Variants in CABCOCO1 observed in about 807,000 individuals in gnomAD.
The protein encoded by CABCOCO1 is ciliary-associated calcium-binding coiled-coil protein 1.
CABCOCO1 carries 28 observed loss-of-function variants against 35.7 expected under a neutral mutation model. The observed-to-expected ratio is 0.78, with a 90% CI of 0.58 to 1.07. The LOEUF (loss-of-function observed/expected upper bound fraction) is 1.07, where lower values mean the gene tolerates loss of function less well. Ranked by LOEUF, CABCOCO1 falls within the 50% of genes least tolerant of loss-of-function variation. CABCOCO1 has a pLI of 0.00. For synonymous variants in CABCOCO1, 95 were observed against 100.1 expected, an observed-to-expected ratio of 0.95 and a Z score of 0.30; for missense variants, 326 against 309.2, an observed-to-expected ratio of 1.05 and a Z score of -0.41.
chr10:61,672,219 C>T (rs147695839), intron 1 of CABCOCO1, among the ~76,000 whole-genome samples: 3 of 152,210 alleles, frequency 2.0e-5, no homozygotes, highest in South Asian at 2.1e-4. Flanking sequence ...GACTGAATGC[C>T]GCATGTATTA....
At chr10:61,684,392 C>T (rs183505071) in intron 3 of CABCOCO1, among the ~76,000 whole-genome samples, 1 of 152,176 alleles carries the variant, frequency 6.6e-6, no homozygotes, top group East Asian at 1.9e-4. Context: ...TTACTTTCAC[C>T]TTATTAGTAA....
At chr10:61,686,431 C>T (rs1037849477) in intron 4 of CABCOCO1, among the ~76,000 whole-genome samples, 7 of 151,870 alleles carry the variant, frequency 4.6e-5, no homozygotes, top group African/African-American at 1.7e-4. Flanking sequence ...AAAAGGTTTG[C>T]GTTTGATAAA....
intron 5 of CABCOCO1, among the ~76,000 whole-genome samples, chr10:61,697,253 A>C (rs538442347): frequency 6.6e-6 from 1 of 152,250 alleles, no homozygotes; most frequent in East Asian, 1.9e-4. Context: ...AAGGTAAATC[A>C]GAAGGGAAAT....
intron 5 of CABCOCO1, among the ~76,000 whole-genome samples, chr10:61,751,049 A>G (rs544061945): frequency 2.6e-5 from 4 of 152,216 alleles, no homozygotes; most frequent in African/African-American, 7.2e-5. Context: ...GAGAAACTTC[A>G]CAGAGTTGAT....
At chr10:61,712,488 T>G (rs966474524) in intron 5 of CABCOCO1, among the ~76,000 whole-genome samples, 5 of 152,242 alleles carry the variant, frequency 3.3e-5, no homozygotes, top group African/African-American at 1.2e-4. Context: ...TCTTTTGCCA[T>G]GCAGAAGCAC....
At chr10:61,718,201 A>AT in intron 5 of CABCOCO1, among the ~76,000 whole-genome samples, 1 of 152,222 alleles carries the variant, frequency 6.6e-6, no homozygotes. Context: ...AATCAGTATG[A>AT]TTTTCCATAA....
chr10:61,718,563 G>A (rs1260136595), intron 5 of CABCOCO1, among the ~76,000 whole-genome samples: 1 of 152,118 alleles, frequency 6.6e-6, no homozygotes, highest in Non-Finnish European at 1.5e-5. Flanking sequence ...GTGTTTATAT[G>A]CAGGTGTATT....
intron 5 of CABCOCO1, among the ~76,000 whole-genome samples, chr10:61,729,374 A>T (rs1000115368): frequency 6.6e-6 from 1 of 152,162 alleles, no homozygotes; most frequent in Non-Finnish European, 1.5e-5. Flanking sequence ...AAAAATGTTC[A>T]ATGTCACCAA....
intron 6 of CABCOCO1, 75 bp downstream of exon 6, chr10:61,760,256 A>G: frequency 1.3e-6 from 2 of 1,498,268 alleles, no homozygotes; most frequent in Admixed American, 4.1e-5. Context: ...AACGAACTAA[A>G]TGTTTTCTTC....
At chr10:61,696,966 A>G (rs892457231) in intron 5 of CABCOCO1, among the ~76,000 whole-genome samples, 21 of 152,168 alleles carry the variant, frequency 1.4e-4, no homozygotes, top group Admixed American at 1.2e-3. Flanking sequence ...TGCAAAAAAT[A>G]TGTATTTCTT....
chr10:61,749,494 T>C (rs1402538801), intron 5 of CABCOCO1, among the ~76,000 whole-genome samples: 8 of 152,262 alleles, frequency 5.3e-5, no homozygotes, highest in Non-Finnish European at 1.2e-4. Flanking sequence ...CCTTTCATTC[T>C]TGACTTTCAT....
At chr10:61,750,978 A>G (rs1173706418) in intron 5 of CABCOCO1, among the ~76,000 whole-genome samples, 2 of 152,178 alleles carry the variant, frequency 1.3e-5, no homozygotes, top group Non-Finnish European at 2.9e-5. Context: ...ACTCAAGGCC[A>G]ATGTGACAAA....
At chr10:61,748,802 C>T (rs1344648664) in intron 5 of CABCOCO1, among the ~76,000 whole-genome samples, 1 of 152,154 alleles carries the variant, frequency 6.6e-6, no homozygotes, top group Admixed American at 6.6e-5. Flanking sequence ...GCACTCTAGG[C>T]CCTGTGGGAC....
chr10:61,676,286 G>A (rs1839509887), intron 2 of CABCOCO1, among the ~76,000 whole-genome samples: 1 of 152,042 alleles, frequency 6.6e-6, no homozygotes, highest in Non-Finnish European at 1.5e-5. Context: ...TCAGTTCATT[G>A]GTGAATTTTA....
intron 5 of CABCOCO1, among the ~76,000 whole-genome samples, chr10:61,739,598 G>A (rs1450499451): frequency 1.3e-5 from 2 of 151,804 alleles, no homozygotes; most frequent in Non-Finnish European, 2.9e-5. Context: ...TTAGGAAATT[G>A]CTAAGTTTTT....
intron 1 of CABCOCO1, among the ~76,000 whole-genome samples, chr10:61,665,812 G>A (rs1589104977): frequency 6.6e-6 from 1 of 151,244 alleles, no homozygotes; most frequent in South Asian, 2.1e-4. Flanking sequence ...GCGTGAACCC[G>A]GGAGGCGGAG....
chr10:61,694,811 G>A (rs974791645), intron 5 of CABCOCO1, among the ~76,000 whole-genome samples: 3 of 152,008 alleles, frequency 2.0e-5, no homozygotes, highest in African/African-American at 7.2e-5. Context: ...AAAATTGGAG[G>A]GGGAAGAGAA....
intron 5 of CABCOCO1, among the ~76,000 whole-genome samples, chr10:61,751,826 G>C (rs1038980139): frequency 6.6e-6 from 1 of 152,136 alleles, no homozygotes; most frequent in African/African-American, 2.4e-5. Flanking sequence ...TCTCAACTGA[G>C]CAGCAGAGCC....
intron 5 of CABCOCO1, among the ~76,000 whole-genome samples, chr10:61,694,985 C>G (rs1368534895): frequency 6.6e-6 from 1 of 152,040 alleles, no homozygotes; most frequent in African/African-American, 2.4e-5. Context: ...AAAATAAAAT[C>G]ATGTTACACT....
Sources: allele counts gnomAD v4.1 joint callset (sites outside exome capture counted in the v4.1 genomes callset), GRCh38; gene constraint gnomAD v4.1.1; transcripts MANE v1.5; gene names NCBI Gene and HGNC (gene_info 2026-07-23, HGNC 2026-07-21).